Variants in ZRANB3 observed in about 807,000 individuals in gnomAD.
The protein encoded by ZRANB3 is zinc finger RANBP2-type containing 3.
In ZRANB3, 125 loss-of-function variants were observed where a neutral mutation model predicts 133.8. The observed-to-expected ratio is 0.93, with a 90% CI of 0.81 to 1.08. The LOEUF (loss-of-function observed/expected upper bound fraction) is 1.08. Ranked by LOEUF, ZRANB3 falls within the 50% of genes least tolerant of loss-of-function variation. The pLI, the probability that ZRANB3 is intolerant of heterozygous loss-of-function variation, is 0.00. For missense variants in ZRANB3, 1,229 were observed against 1,275.5 expected (o/e 0.96, Z 0.56); for synonymous variants, 387 against 432.7 (o/e 0.89, Z 1.31).
At chr2:135,320,452 C>T (rs1558914438) in intron 6 of ZRANB3, among the ~76,000 whole-genome samples, 1 of 152,054 alleles carries the variant, frequency 6.6e-6, no homozygotes, top group Non-Finnish European at 1.5e-5. Flanking sequence ...ATTGTAAATG[C>T]CCCTAAAGAC....
At chr2:135,494,272 C>A (rs1387156916) in intron 2 of ZRANB3, among the ~76,000 whole-genome samples, 3 of 129,440 alleles carry the variant, frequency 2.3e-5, no homozygotes, top group African/African-American at 5.9e-5. Flanking sequence ...CGCGCCACTG[C>A]ACTCCAGCCT....
chr2:135,400,613 T>G (rs1326969177), intron 2 of ZRANB3, among the ~76,000 whole-genome samples: 1 of 152,222 alleles, frequency 6.6e-6, no homozygotes, highest in Non-Finnish European at 1.5e-5. Flanking sequence ...TCATAACTTT[T>G]GGCACTGTAC....
chr2:135,259,376 C>T (rs1295678461), intron 12 of ZRANB3, among the ~76,000 whole-genome samples: 1 of 151,744 alleles, frequency 6.6e-6, no homozygotes, highest in East Asian at 1.9e-4. Flanking sequence ...TAACTACATA[C>T]AATCTTTTGC....
intron 1 of ZRANB3, among the ~76,000 whole-genome samples, chr2:135,529,438 T>C (rs572365122): frequency 2.6e-4 from 40 of 152,030 alleles, no homozygotes; most frequent in Non-Finnish European, 5.3e-4. Flanking sequence ...AATAAAGGCA[T>C]CTTTTTAGTG....
intron 8 of ZRANB3, among the ~76,000 whole-genome samples, chr2:135,283,688 T>C (rs1051381153): frequency 2.6e-5 from 4 of 151,902 alleles, no homozygotes; most frequent in African/African-American, 7.3e-5. Flanking sequence ...CCACTAGTCA[T>C]GACAATAAGA....
At position 135,512,203 on chromosome 2, in the gene ZRANB3, C is replaced by T. The variant is rs573848024; in HGVS notation, c.-7-7707G>A. Among the ~76,000 whole-genome samples the T allele has an allele frequency of 6.6e-5, 10 of 151,954 alleles. No individual in the cohort carries two copies. The East Asian group carries it at 1.9e-3, about 29-fold the overall frequency. On this transcript the variant is annotated intron_variant, in intron 1 of 20. Coordinates refer to ENST00000264159, the MANE Select transcript of ZRANB3 (RefSeq NM_032143.4). ...AATTTGCTTGGTATGGTACGCAACACTTGAAAAAAAGAAAGAAGGAAATAC... is the reference window on the plus strand; with the variant it reads ...AATTTGCTTGGTATGGTACGCAACATTTGAAAAAAAGAAAGAAGGAAATAC...
intron 12 of ZRANB3, among the ~76,000 whole-genome samples, chr2:135,232,461 T>C (rs6725857): frequency 0.27 from 40,994 of 152,076 alleles, 9,256 homozygotes; most frequent in African/African-American, 0.61. Context: ...TCTCCCAGCA[T>C]GCAGCTGGAG....
intron 3 of ZRANB3, among the ~76,000 whole-genome samples, chr2:135,358,191 T>A (rs1012066697): frequency 2.0e-5 from 3 of 152,154 alleles, no homozygotes; most frequent in African/African-American, 7.2e-5. Flanking sequence ...TCTTCTAGGT[T>A]TCTTGGGATC....
chr2:135,473,942 T>C (rs1691390231), intron 2 of ZRANB3, among the ~76,000 whole-genome samples: 1 of 152,152 alleles, frequency 6.6e-6, no homozygotes, highest in African/African-American at 2.4e-5. Context: ...TCCAGCACTT[T>C]GGGAGGCTGA....
At chr2:135,395,442 CTTTTT>C (rs533900626) in intron 2 of ZRANB3, among the ~76,000 whole-genome samples, 1 of 135,986 alleles carries the variant, frequency 7.4e-6, no homozygotes, top group African/African-American at 2.7e-5. Context: ...GCAAAGATTT[CTTTTT>C]TTTTTTTTTT....
At chr2:135,406,730 A>T (rs1342263952) in intron 2 of ZRANB3, among the ~76,000 whole-genome samples, 1 of 152,214 alleles carries the variant, frequency 6.6e-6, no homozygotes, top group Non-Finnish European at 1.5e-5. Flanking sequence ...CCACATGATT[A>T]TCTCAATAGA....
intron 2 of ZRANB3, among the ~76,000 whole-genome samples, chr2:135,494,641 G>A (rs1266000755): frequency 6.6e-6 from 1 of 152,158 alleles, no homozygotes; most frequent in Non-Finnish European, 1.5e-5. Context: ...CTTTGGCCAG[G>A]AACTTGGCCT....
At chr2:135,221,937 A>G (rs925096423) in intron 15 of ZRANB3, among the ~76,000 whole-genome samples, 1 of 152,160 alleles carries the variant, frequency 6.6e-6, no homozygotes, top group Non-Finnish European at 1.5e-5. Context: ...ATCTCCTCCT[A>G]AAAGAATATT....
intron 3 of ZRANB3, among the ~76,000 whole-genome samples, chr2:135,387,608 A>C (rs1406823826): frequency 6.6e-6 from 1 of 152,176 alleles, no homozygotes; most frequent in African/African-American, 2.4e-5. Flanking sequence ...TTTCTTAATC[A>C]ACATTATAAA....
At chr2:135,420,219 G>A (rs1466943635) in intron 2 of ZRANB3, among the ~76,000 whole-genome samples, 1 of 150,054 alleles carries the variant, frequency 6.7e-6, no homozygotes, top group East Asian at 1.9e-4. Context: ...GAGGAATAGG[G>A]ATTAGAGAGA....
chr2:135,494,928 A>G (rs576836752), intron 2 of ZRANB3, among the ~76,000 whole-genome samples: 1 of 152,332 alleles, frequency 6.6e-6, no homozygotes, highest in African/African-American at 2.4e-5. Context: ...AAATATATTA[A>G]AGTATTGTAT....
At chr2:135,220,671 C>A (rs1433934014) in intron 15 of ZRANB3, among the ~76,000 whole-genome samples, 1 of 134,994 alleles carries the variant, frequency 7.4e-6, no homozygotes, top group Non-Finnish European at 1.5e-5. Context: ...GCACTCCAGC[C>A]TGGGTGGCAG....
chr2:135,378,079 G>T (rs1486973037), intron 3 of ZRANB3, among the ~76,000 whole-genome samples: 1 of 152,208 alleles, frequency 6.6e-6, no homozygotes, highest in East Asian at 1.9e-4. Context: ...TCAGCCTGCT[G>T]ATGGCCCATT....
intron 1 of ZRANB3, among the ~76,000 whole-genome samples, chr2:135,517,737 G>A (rs1693759995): frequency 6.6e-6 from 1 of 152,204 alleles, no homozygotes; most frequent in Non-Finnish European, 1.5e-5. Flanking sequence ...GGGCATGGGG[G>A]TCAGGGACCC....
Sources: allele counts gnomAD v4.1 joint callset (sites outside exome capture counted in the v4.1 genomes callset), GRCh38; gene constraint gnomAD v4.1.1; transcripts MANE v1.5; gene names NCBI Gene and HGNC (gene_info 2026-07-23, HGNC 2026-07-21).